The following DPP10 variants were observed in gnomAD, a reference collection of about 807,000 sequenced individuals.
DPP10 encodes the protein dipeptidyl peptidase like 10.
DPP10 carries 33 observed loss-of-function variants against 120.9 expected under a neutral mutation model. The observed-to-expected ratio is 0.27, with a 90% CI of 0.21 to 0.37. The LOEUF is 0.37. Ranked by LOEUF, DPP10 falls within the 10% of genes least tolerant of loss-of-function variation. The probability of loss-of-function intolerance (pLI) is 1.00; values close to 1 mark genes in which losing one functional copy is unlikely to be tolerated. For synonymous variants in DPP10, 337 were observed against 326.1 expected (o/e 1.03, Z -0.36); for missense variants, 816 against 942.8 (o/e 0.87, Z 1.76).
At chr2:114,984,540 C>T (rs1440558152) in intron 1 of DPP10, among the ~76,000 whole-genome samples, 3 of 152,122 alleles carry the variant, frequency 2.0e-5, no homozygotes, top group African/African-American at 7.2e-5. Flanking sequence ...ACCTGTGGCC[C>T]CAGCTACTTA....
intron 24 of DPP10, among the ~76,000 whole-genome samples, chr2:115,838,606 C>A (rs1689772357): frequency 6.6e-6 from 1 of 152,140 alleles, no homozygotes; most frequent in Non-Finnish European, 1.5e-5. Flanking sequence ...TCATGCTGGA[C>A]TAATATATTA....
chr2:114,611,133 G>A (rs1689044333), intron 1 of DPP10, among the ~76,000 whole-genome samples: 2 of 152,048 alleles, frequency 1.3e-5, no homozygotes, highest in Non-Finnish European at 2.9e-5. Context: ...AAGAGAACCC[G>A]TAGGCATGAC....
chr2:115,380,679 A>G (rs1574634410), intron 3 of DPP10, among the ~76,000 whole-genome samples: 3 of 152,124 alleles, frequency 2.0e-5, no homozygotes, highest in Non-Finnish European at 4.4e-5. Context: ...ATGATTTTGC[A>G]GTGGCTGGTA....
chr2:115,544,197 T>G (rs1241820556), intron 5 of DPP10, among the ~76,000 whole-genome samples: 2 of 152,052 alleles, frequency 1.3e-5, no homozygotes, highest in Non-Finnish European at 2.9e-5. Context: ...AAATTTCTTA[T>G]GATATTTGTA....
At chr2:115,672,237 TGTTG>T (rs1201967617) in intron 5 of DPP10, among the ~76,000 whole-genome samples, 6 of 152,140 alleles carry the variant, frequency 3.9e-5, no homozygotes, top group Admixed American at 1.3e-4. Flanking sequence ...GTCTTTGTTA[TGTTG>T]GTTGGTTGGC....
chr2:115,820,117 G>T (rs1687658484), intron 21 of DPP10, among the ~76,000 whole-genome samples: 1 of 152,114 alleles, frequency 6.6e-6, no homozygotes, highest in Non-Finnish European at 1.5e-5. Flanking sequence ...CTATTTGTCA[G>T]GATAAGTCTA....
At chr2:114,531,230 G>C (rs1436316964) in intron 1 of DPP10, among the ~76,000 whole-genome samples, 2 of 152,000 alleles carry the variant, frequency 1.3e-5, no homozygotes, top group Non-Finnish European at 2.9e-5. Context: ...TGTGATACTT[G>C]GGACAGGACA....
intron 3 of DPP10, among the ~76,000 whole-genome samples, chr2:115,348,216 T>C (rs1048470121): frequency 6.6e-6 from 1 of 152,124 alleles, no homozygotes; most frequent in Non-Finnish European, 1.5e-5. Flanking sequence ...TATTAATTTT[T>C]TCATGTTGAA....
intron 13 of DPP10, among the ~76,000 whole-genome samples, chr2:115,769,969 G>A (rs2149817946): frequency 6.6e-6 from 1 of 151,950 alleles, no homozygotes; most frequent in South Asian, 2.1e-4. Flanking sequence ...AATATAAGTA[G>A]TAAAGAAGAT....
chr2:114,764,467 G>A (rs1030080659), intron 1 of DPP10, among the ~76,000 whole-genome samples: 4 of 151,824 alleles, frequency 2.6e-5, no homozygotes, highest in African/African-American at 9.7e-5. Context: ...ACTTTTTATA[G>A]CATCAAATTT....
At chr2:115,660,677 T>TTTTTTC (rs1362461869) in intron 5 of DPP10, among the ~76,000 whole-genome samples, 11 of 143,796 alleles carry the variant, frequency 7.6e-5, no homozygotes, top group Non-Finnish European at 1.5e-4. Flanking sequence ...TTTTTTTTTT[T>TTTTTTC]TTGCTAATTT....
chr2:115,480,745 A>T (rs941929517), intron 3 of DPP10, among the ~76,000 whole-genome samples: 1 of 152,158 alleles, frequency 6.6e-6, no homozygotes. Flanking sequence ...TTTTTGAAGC[A>T]GAAACATAAT....
chr2:114,497,531 A>C (rs375107484), intron 1 of DPP10, among the ~76,000 whole-genome samples: 15 of 151,674 alleles, frequency 9.9e-5, no homozygotes, highest in South Asian at 4.2e-4. Flanking sequence ...AGGAAAAAAA[A>C]CCAAAAACTA....
chr2:115,378,039 G>C (rs77363694), intron 3 of DPP10, among the ~76,000 whole-genome samples: 5,525 of 151,370 alleles, frequency 0.036, 133 homozygotes, highest in South Asian at 0.077. Flanking sequence ...GATGCGGGCT[G>C]TTTTTTGGTT....
chr2:114,481,966 G>C (rs1346871118), intron 1 of DPP10, among the ~76,000 whole-genome samples: 1 of 144,222 alleles, frequency 6.9e-6, no homozygotes, highest in Non-Finnish European at 1.5e-5. Flanking sequence ...AGAGGAGAGA[G>C]AGAGAGAGGA....
chr2:114,638,873 C>G (rs569402179), intron 1 of DPP10, among the ~76,000 whole-genome samples: 1 of 151,864 alleles, frequency 6.6e-6, no homozygotes, highest in South Asian at 2.1e-4. Context: ...ATAGCAAAAC[C>G]ATAGGAGCAA....
intron 19 of DPP10, among the ~76,000 whole-genome samples, chr2:115,811,107 C>G (rs1201938066): frequency 6.6e-6 from 1 of 152,124 alleles, no homozygotes; most frequent in Non-Finnish European, 1.5e-5. Flanking sequence ...CCTCATTTTC[C>G]TGCACATGCC....
At chr2:115,492,022 A>G (rs972487013) in intron 3 of DPP10, among the ~76,000 whole-genome samples, 8 of 152,170 alleles carry the variant, frequency 5.3e-5, no homozygotes, top group African/African-American at 1.9e-4. Context: ...CAAGGCAGAT[A>G]TCTTCATCAG....
chr2:115,191,526 C>A (rs1573955838), intron 1 of DPP10, among the ~76,000 whole-genome samples: 1 of 152,070 alleles, frequency 6.6e-6, no homozygotes, highest in African/African-American at 2.4e-5. Context: ...AAGTAGGTGA[C>A]CAGCAATAGA....
Sources: allele counts gnomAD v4.1 joint callset (sites outside exome capture counted in the v4.1 genomes callset), GRCh38; gene constraint gnomAD v4.1.1; transcripts MANE v1.5; gene names NCBI Gene and HGNC (gene_info 2026-07-23, HGNC 2026-07-21).